The following WIPF1 variants were observed in gnomAD, a reference collection of about 807,000 sequenced individuals.
WIPF1 encodes the protein WAS/WASL-interacting protein family member 1.
In WIPF1, 13 loss-of-function variants were observed where a neutral mutation model predicts 35.4. The ratio of observed to expected loss-of-function variants is 0.37; its 90% CI spans 0.24 to 0.58. WIPF1 has a LOEUF of 0.58. WIPF1 is among the 20% of genes least tolerant of loss of function. The probability of loss-of-function intolerance (pLI) is 0.74; values close to 1 mark genes in which losing one functional copy is unlikely to be tolerated. For missense variants in WIPF1, 591 were observed against 667.0 expected (o/e 0.89, Z 1.25); for synonymous variants, 267 against 266.3 (o/e 1.00, Z -0.02).
upstream of WIPF1, among the ~76,000 whole-genome samples, chr2:174,598,898 C>T (rs1020200235): frequency 3.9e-5 from 6 of 152,148 alleles, no homozygotes; most frequent in African/African-American, 2.4e-5. Flanking sequence ...ATGTATAGAA[C>T]GATCTGAAAA....
At position 174,594,732 on chromosome 2, in the gene WIPF1, A is replaced by G. The variant is rs925473021; in HGVS notation, c.-39+2869T>C. Among the ~76,000 whole-genome samples, 10 of 111,286 alleles carry G rather than the reference A, an allele frequency of 9.0e-5. 2 individuals carry two copies. Among genetic ancestry groups the G allele is most frequent in the Admixed American group, 5.7e-4 (6 of 10,482 alleles). The allele number at this position is 111,286 out of a possible 152,430, so 73.0% of individuals were successfully genotyped here. On this transcript the variant is annotated intron_variant, in intron 1 of 7. Coordinates refer to ENST00000679041, the MANE Select transcript of WIPF1 (RefSeq NM_001375834.1). ...TCACACACACATACACACACAGCAT[A>G]TATGTCAGCACACTTGATATATACT...
At chr2:174,600,408 T>C (rs1177489063), upstream of WIPF1, among the ~76,000 whole-genome samples, 1 of 152,196 alleles carries the variant, frequency 6.6e-6, no homozygotes, top group Non-Finnish European at 1.5e-5. Context: ...TCCAAACTCT[T>C]AGGTCCACAG....
intron 1 of WIPF1, among the ~76,000 whole-genome samples, chr2:174,681,952 T>G (rs937556279): frequency 2.6e-5 from 4 of 152,214 alleles, no homozygotes; most frequent in Non-Finnish European, 5.9e-5. Flanking sequence ...AGTGGTCTGA[T>G]TTAGAGCTCT....
intron 3 of WIPF1, among the ~76,000 whole-genome samples, chr2:174,577,290 G>A (rs944813049): frequency 6.6e-6 from 1 of 152,094 alleles, no homozygotes; most frequent in Non-Finnish European, 1.5e-5. Flanking sequence ...AATAATGACA[G>A]TTTAAAGCCT....
chr2:174,625,110 G>A (rs562306639), intron 1 of WIPF1, among the ~76,000 whole-genome samples: 10 of 152,338 alleles, frequency 6.6e-5, no homozygotes, highest in African/African-American at 2.4e-4. Context: ...TCTGGGAGCA[G>A]CCAGGGACAG....
rs1684883281 is a variant in WIPF1, at chr2:174,572,153, T to A, written c.652A>T (p.Thr218Ser). The A allele has an allele frequency of 2.5e-6, 4 of 1,608,828 alleles. No individual in the cohort carries two copies. In the African/African-American group the frequency reaches 4.1e-5, roughly 16 times the overall value. ...GGPRQPSPGP[T>S]PPPFPGNRGT... ...CGGTTTCCAGGGAAAGGGGGAGGAG[T>A]GGGCCCGGGGCTGGGCTGCCTGGGG... The change falls in exon 5 of 8, where the codon ACT becomes TCT. Residue 218 changes from threonine (T) to serine (S), a missense_variant. Coordinates refer to ENST00000679041, the MANE Select transcript of WIPF1 (RefSeq NM_001375834.1).
chr2:174,660,607 C>G (rs1687738414), intron 1 of WIPF1, among the ~76,000 whole-genome samples: 1 of 152,032 alleles, frequency 6.6e-6, no homozygotes, highest in Non-Finnish European at 1.5e-5. Context: ...GGAAACAGTT[C>G]CACCCTATCT....
chr2:174,603,864 T>C (rs1466502932), intron 1 of WIPF1, among the ~76,000 whole-genome samples: 7 of 152,132 alleles, frequency 4.6e-5, no homozygotes, highest in Admixed American at 1.3e-4. Flanking sequence ...GAATCCTGAA[T>C]ACTGAAATCC....
chr2:174,566,064 A>G (rs1263688691), intron 7 of WIPF1: 1 of 151,624 alleles, frequency 6.6e-6, no homozygotes. Flanking sequence ...TTGTATTTTT[A>G]TATTTTTAGT....
chr2:174,636,123 T>C lies in WIPF1; in HGVS notation c.-39+46651A>G, dbSNP rs567104092. 3.3e-5 allele frequency among the ~76,000 whole-genome samples: 5 copies of C among 152,282 alleles called. No individual in the cohort carries two copies. The South Asian group carries it at 1.0e-3, about 32-fold the overall frequency. Reference sequence around the variant, plus strand: ...CTTGGAGTCAGAAATTGTAAGAACTTTGGAAAAACAAAATACTACATAGAT... The same window carrying C: ...CTTGGAGTCAGAAATTGTAAGAACTCTGGAAAAACAAAATACTACATAGAT... On this transcript the variant is annotated intron_variant, in intron 1 of 8. Coordinates refer to the WIPF1 transcript ENST00000272746.
At chr2:174,572,732 C>T (rs569366696) in intron 4 of WIPF1, among the ~76,000 whole-genome samples, 3 of 152,188 alleles carry the variant, frequency 2.0e-5, no homozygotes, top group South Asian at 4.1e-4. Flanking sequence ...ATGAAGTGGG[C>T]GAGAGTTCTG....
At chr2:174,659,255 T>A (rs572886967) in intron 1 of WIPF1, among the ~76,000 whole-genome samples, 2 of 152,192 alleles carry the variant, frequency 1.3e-5, no homozygotes, top group African/African-American at 4.8e-5. Flanking sequence ...ACTACAGACA[T>A]GAGCCACCAC....
chr2:174,668,720 T>C (rs746408036), intron 1 of WIPF1, among the ~76,000 whole-genome samples: 1 of 152,194 alleles, frequency 6.6e-6, no homozygotes, highest in African/African-American at 2.4e-5. Context: ...CCGCTGCCCT[T>C]TCCACAGTGG....
intron 1 of WIPF1, among the ~76,000 whole-genome samples, chr2:174,674,003 C>G (rs1688076485): frequency 6.6e-6 from 1 of 152,260 alleles, no homozygotes; most frequent in Middle Eastern, 3.4e-3. Flanking sequence ...TACCCAAATA[C>G]AAGAAATTTT....
At chr2:174,608,689 T>C (rs781145561) in intron 1 of WIPF1, among the ~76,000 whole-genome samples, 1 of 152,160 alleles carries the variant, frequency 6.6e-6, no homozygotes. Flanking sequence ...GCCAGGTACA[T>C]ACTTGTGCAC....
rs1407068117 is a variant in WIPF1, at chr2:174,559,686, T to TTTA, written c.*2858_*2860dup. On this transcript the variant is annotated 3_prime_UTR_variant, in exon 8 of 8. Transcript: ENST00000679041. Reference sequence around the variant, plus strand: ...TGACACAGATAGCAAAATGTGTCTGTTTACATAGTGCATGGTATGAAAAAA... The same window carrying TTTA: ...TGACACAGATAGCAAAATGTGTCTGTTTATTACATAGTGCATGGTATGAAAAAA... 4.6e-5 allele frequency: 7 copies of TTTA among 152,446 alleles called. No individual in the cohort carries two copies. Among genetic ancestry groups the TTTA allele is most frequent in the Admixed American group, 4.6e-4 (7 of 15,276 alleles). 9.4% of individuals were successfully genotyped at this position (152,446 alleles called of 1,614,324 possible). A position where few individuals can be genotyped will look rare whatever the true frequency, so the allele number is the denominator to read the frequency against.
chr2:174,646,527 G>A (rs1045934845), intron 1 of WIPF1, among the ~76,000 whole-genome samples: 15 of 152,146 alleles, frequency 9.9e-5, no homozygotes, highest in East Asian at 1.9e-4. Flanking sequence ...GCGCATAAAC[G>A]GTGGTTACTG....
At chr2:174,570,638 A>G (rs1341844307) in intron 5 of WIPF1, 3 of 152,186 alleles carry the variant, frequency 2.0e-5, no homozygotes, top group Non-Finnish European at 4.4e-5. Context: ...CAATTATGCC[A>G]GAGACTCCGG....
chr2:174,628,860 C>T (rs1686927124), intron 1 of WIPF1, among the ~76,000 whole-genome samples: 1 of 152,234 alleles, frequency 6.6e-6, no homozygotes. Context: ...TCTAAGGTCC[C>T]TTCTAGTTGT....
Sources: gnomAD v4.1 joint callset for allele counts (sites outside exome capture counted in the v4.1 genomes callset) on GRCh38, gnomAD v4.1.1 for gene constraint, MANE v1.5 for transcripts, NCBI Gene and HGNC (gene_info 2026-07-23, HGNC 2026-07-21) for gene names.